Variants in DPYSL3 observed in about 807,000 individuals in gnomAD.
DPYSL3 encodes the protein dihydropyrimidinase like 3.
In DPYSL3, 16 loss-of-function variants were observed where a neutral mutation model predicts 66.1. That is an observed-to-expected ratio of 0.24 (90% CI 0.16 to 0.37). The LOEUF (loss-of-function observed/expected upper bound fraction) is 0.37, where lower values mean the gene tolerates loss of function less well. Ranked by LOEUF, DPYSL3 falls within the 10% of genes least tolerant of loss-of-function variation. DPYSL3 has a pLI of 1.00. For missense variants in DPYSL3, 738 were observed against 916.2 expected (o/e 0.81, Z 2.51); for synonymous variants, 338 against 345.1 (o/e 0.98, Z 0.23).
intron 2 of DPYSL3, among the ~76,000 whole-genome samples, chr5:147,423,972 C>A (rs1182794529): frequency 2.6e-5 from 4 of 152,174 alleles, no homozygotes; most frequent in Non-Finnish European, 5.9e-5. Flanking sequence ...TCCGCCTCGG[C>A]CTCCCAAAGT....
intron 1 of DPYSL3, among the ~76,000 whole-genome samples, chr5:147,456,253 AAG>A (rs1011581232): frequency 1.4e-4 from 21 of 152,356 alleles, no homozygotes; most frequent in African/African-American, 5.1e-4. Flanking sequence ...GTGTCTGGCC[AAG>A]AGAGAGAAGA....
chr5:147,453,632 C>T, intron 1 of DPYSL3: 1 of 1,517,244 alleles, frequency 6.6e-7, no homozygotes, highest in East Asian at 2.7e-5. Context: ...CCTCCTTCTT[C>T]TGCTCCGGCT....
intron 1 of DPYSL3, among the ~76,000 whole-genome samples, chr5:147,489,239 C>A (rs1753379397): frequency 6.6e-6 from 1 of 152,050 alleles, no homozygotes; most frequent in African/African-American, 2.4e-5. Flanking sequence ...GCCCCATGTT[C>A]TCAGTCTTCA....
At chr5:147,455,156 T>C (rs955417332) in intron 1 of DPYSL3, among the ~76,000 whole-genome samples, 5 of 152,136 alleles carry the variant, frequency 3.3e-5, no homozygotes, top group African/African-American at 4.8e-5. Context: ...GAAGACGTGC[T>C]TGCGATAAAG....
intron 1 of DPYSL3, among the ~76,000 whole-genome samples, chr5:147,429,669 G>A (rs1253396898): frequency 6.6e-6 from 1 of 152,084 alleles, no homozygotes; most frequent in Non-Finnish European, 1.5e-5. Context: ...TGACAGAGTA[G>A]ATTAGTTCCA....
At chr5:147,418,888 G>A (rs1581183258) in intron 2 of DPYSL3, among the ~76,000 whole-genome samples, 2 of 152,140 alleles carry the variant, frequency 1.3e-5, no homozygotes, top group East Asian at 3.9e-4. Context: ...ATAACCCCAG[G>A]GGTCTGATAG....
chr5:147,501,352 C>G (rs886831316), intron 1 of DPYSL3, among the ~76,000 whole-genome samples: 1 of 151,682 alleles, frequency 6.6e-6, no homozygotes, highest in Non-Finnish European at 1.5e-5. Context: ...ATTTTTAGGG[C>G]AGTAAAACTA....
chr5:147,403,407 A>C (rs1758247579), intron 8 of DPYSL3, among the ~76,000 whole-genome samples: 1 of 151,424 alleles, frequency 6.6e-6, no homozygotes, highest in African/African-American at 2.5e-5. Context: ...GGAAGAGTAA[A>C]AGAAGCTAAG....
chr5:147,424,441 T>C (rs1352760164), intron 2 of DPYSL3, among the ~76,000 whole-genome samples: 1 of 152,238 alleles, frequency 6.6e-6, no homozygotes, highest in Non-Finnish European at 1.5e-5. Flanking sequence ...TATTTGCAAA[T>C]CTTGCATGAA....
At chr5:147,474,913 T>C (rs1753135501) in intron 1 of DPYSL3, among the ~76,000 whole-genome samples, 1 of 152,034 alleles carries the variant, frequency 6.6e-6, no homozygotes, top group Non-Finnish European at 1.5e-5. Context: ...AAATCCTTTA[T>C]TTTTTGGAAT....
Position 147,509,669 on chromosome 5 carries a change from T to C in DPYSL3, c.190A>G (p.Thr64Ala), listed in dbSNP as rs1328275274. ...TCGCTGCCCTGGCCGCTCCGAGGAG[T>C]CTTCGCGCCCCGCTGCCCCACGCTG... ...ALSVGQRGAK[T>A]PRSGQGSDRG... is the part of the protein sequence containing the mutation. Residue 64 changes from threonine to alanine, a missense_variant, in exon 1 of 14, where the codon ACT becomes GCT. By Grantham distance (58) the Thr-to-Ala change is moderately conservative (BLOSUM62 0). Transcript: ENST00000343218. This position sits in a 1 kb window ranked among gnomAD's most constrained non-coding sequence, Gnocchi z 5.3. 6.5e-7 allele frequency: 1 copy of C among 1,535,364 alleles called. No individual in the cohort carries two copies. The highest frequency in any genetic ancestry group is 2.4e-5 in the East Asian group (1 of 40,832).
At chr5:147,442,340 G>T (rs1207164803) in intron 1 of DPYSL3, among the ~76,000 whole-genome samples, 1 of 152,226 alleles carries the variant, frequency 6.6e-6, no homozygotes, top group East Asian at 1.9e-4. Flanking sequence ...AAGACAGGGA[G>T]GAAGGCAAAG....
chr5:147,429,701 C>A (rs150583911), intron 1 of DPYSL3, among the ~76,000 whole-genome samples: 1 of 152,070 alleles, frequency 6.6e-6, no homozygotes, highest in Non-Finnish European at 1.5e-5. Flanking sequence ...ACCCATGTCT[C>A]CCATCTCCTG....
chr5:147,411,384 C>A (rs1306486074), intron 6 of DPYSL3, among the ~76,000 whole-genome samples: 1 of 152,158 alleles, frequency 6.6e-6, no homozygotes, highest in East Asian at 1.9e-4. Flanking sequence ...TGCCCACAAG[C>A]CTGCAGCTGG....
intron 1 of DPYSL3, among the ~76,000 whole-genome samples, chr5:147,504,314 C>T (rs1374968870): frequency 1.3e-5 from 2 of 152,148 alleles, no homozygotes; most frequent in East Asian, 1.9e-4. Context: ...ATTGAGAAGG[C>T]GTATTTTTTA....
chr5:147,470,443 C>T (rs530878314), intron 1 of DPYSL3, among the ~76,000 whole-genome samples: 10 of 152,250 alleles, frequency 6.6e-5, no homozygotes, highest in African/African-American at 1.9e-4. Flanking sequence ...TCCTTTCCCA[C>T]TGTCTGCTCC....
At chr5:147,484,022 CT>C (rs1753290458) in intron 1 of DPYSL3, among the ~76,000 whole-genome samples, 1 of 152,146 alleles carries the variant, frequency 6.6e-6, no homozygotes, top group East Asian at 1.9e-4. Context: ...GTCTGTCTCT[CT>C]GTCTGTCTGT....
chr5:147,494,086 G>A (rs1295843510), intron 1 of DPYSL3, among the ~76,000 whole-genome samples: 1 of 151,998 alleles, frequency 6.6e-6, no homozygotes, highest in African/African-American at 2.4e-5. Context: ...CCAGCTACTC[G>A]GGAGGCTGAG....
In DPYSL3 at chr5:147,418,626, A is replaced by G. The variant is rs1260778682; in HGVS notation, c.476T>C (p.Ile159Thr). Residue 159 changes from isoleucine to threonine, a missense_variant, in exon 3 of 14, where the codon ATT becomes ACT. Transcript: ENST00000343218. ...IYMEDGLIKQIGDNLIVPGGV... is the reference protein window; with the variant it reads ...IYMEDGLIKQTGDNLIVPGGV... Reference sequence around the variant, plus strand: ...TCCAGGAACAATCAGATTGTCTCCAATTTGTCTGGTGAAACAAACAAACAA... The same window carrying G: ...TCCAGGAACAATCAGATTGTCTCCAGTTTGTCTGGTGAAACAAACAAACAA... 4.5e-6 allele frequency: 7 copies of G among 1,571,040 alleles called. No homozygotes were observed. The highest frequency in any genetic ancestry group is 2.3e-5 in the East Asian group (1 of 44,028).
Sources: allele counts gnomAD v4.1 joint callset (sites outside exome capture counted in the v4.1 genomes callset), GRCh38; gene constraint gnomAD v4.1.1; non-coding constraint Gnocchi (gnomAD v3.1); transcripts MANE v1.5; gene names NCBI Gene and HGNC (gene_info 2026-07-23, HGNC 2026-07-21).